Variants in FMNL2 observed in about 807,000 individuals in gnomAD.
The protein encoded by FMNL2 is formin like 2.
A neutral mutation model predicts 130.2 loss-of-function variants in FMNL2; 51 were observed. That is an observed-to-expected ratio of 0.39 (90% CI 0.31 to 0.49). The LOEUF is 0.49. Among genes scored for constraint, FMNL2 ranks in the 20% least tolerant of loss-of-function variants. The probability of loss-of-function intolerance (pLI) is 0.85; values close to 1 mark genes in which losing one functional copy is unlikely to be tolerated. For missense variants in FMNL2, 977 were observed against 1,316.2 expected (o/e 0.74, Z 3.99); for synonymous variants, 465 against 467.1 (o/e 1.00, Z 0.06).
In FMNL2 at chr2:152,389,105, AT is replaced by A. The variant is rs34284075; in HGVS notation, c.117+53395del. Among the ~76,000 whole-genome samples the A allele has an allele frequency of 7.3e-5, 11 of 150,574 alleles. No homozygotes were observed. The East Asian group carries it at 9.8e-4, about 13-fold the overall frequency. ...GGAGGGTGCTGCAAATGAAAGGAGCATTTTTTTTTTCTATAAAGCCTAACAC... is the reference window on the plus strand; with the variant it reads ...GGAGGGTGCTGCAAATGAAAGGAGCATTTTTTTTTCTATAAAGCCTAACAC... On this transcript the variant is annotated intron_variant, in intron 1 of 25. Transcript: ENST00000288670.
At chr2:152,451,746 A>G (rs1688663940) in intron 1 of FMNL2, among the ~76,000 whole-genome samples, 1 of 152,056 alleles carries the variant, frequency 6.6e-6, no homozygotes, top group East Asian at 1.9e-4. Context: ...ACATTAACAT[A>G]ATTAGGTGGC....
chr2:152,554,546 G>A (rs898329518), intron 4 of FMNL2, among the ~76,000 whole-genome samples: 7 of 152,196 alleles, frequency 4.6e-5, no homozygotes, highest in African/African-American at 1.7e-4. Flanking sequence ...CACTGTTGAA[G>A]CATATCCCTT....
At chr2:152,409,739 A>G (rs1686183296) in intron 1 of FMNL2, among the ~76,000 whole-genome samples, 1 of 152,126 alleles carries the variant, frequency 6.6e-6, no homozygotes, top group Admixed American at 6.5e-5. Context: ...AGAACTTTGT[A>G]TGTGTTTTTC....
chr2:152,627,144 C>T (rs1681848918), intron 17 of FMNL2, among the ~76,000 whole-genome samples: 1 of 152,094 alleles, frequency 6.6e-6, no homozygotes, highest in Non-Finnish European at 1.5e-5. Flanking sequence ...GGATTTTATC[C>T]AGATTTGTTG....
chr2:152,626,807 A>G, intron 17 of FMNL2, 80 bp downstream of exon 17: 1 of 1,380,500 alleles, frequency 7.2e-7, no homozygotes. Flanking sequence ...GATGACAAAT[A>G]TTTCAATAGT....
intron 1 of FMNL2, among the ~76,000 whole-genome samples, chr2:152,369,646 C>A (rs1683761339): frequency 6.6e-6 from 1 of 152,178 alleles, no homozygotes; most frequent in Non-Finnish European, 1.5e-5. Flanking sequence ...GCCTCTGTGG[C>A]TGGACATGTA....
chr2:152,548,924 A>G, intron 3 of FMNL2, 97 bp from the exon 4 acceptor site: 1 of 933,646 alleles, frequency 1.1e-6, no homozygotes. Flanking sequence ...TTTAGAAGTG[A>G]AGATATTTTT....
chr2:152,412,449 TATA>T (rs1558840728), intron 1 of FMNL2, among the ~76,000 whole-genome samples: 415 of 10,282 alleles, frequency 0.04, 8 homozygotes, highest in Non-Finnish European at 0.06. Context: ...GTATATTTTA[TATA>T]TATATATATA....
intron 1 of FMNL2, among the ~76,000 whole-genome samples, chr2:152,457,795 G>A (rs1426810062): frequency 6.6e-6 from 1 of 152,180 alleles, no homozygotes; most frequent in Non-Finnish European, 1.5e-5. Flanking sequence ...TCCTTCTGGA[G>A]GGCTCTAGGG....
intron 1 of FMNL2, among the ~76,000 whole-genome samples, chr2:152,498,351 A>G (rs1691631675): frequency 6.6e-6 from 1 of 152,182 alleles, no homozygotes; most frequent in East Asian, 1.9e-4. Context: ...TTTTTGTTCA[A>G]TTTATTAAAA....
At chr2:152,569,875 G>T (rs766074251) in intron 6 of FMNL2, among the ~76,000 whole-genome samples, 3 of 151,708 alleles carry the variant, frequency 2.0e-5, no homozygotes, top group Non-Finnish European at 4.4e-5. Flanking sequence ...GCTTGGCATG[G>T]TGGCACATGC....
In FMNL2 at chr2:152,523,008, A is replaced by G. The variant is rs183001787; in HGVS notation, c.201+982A>G. On this transcript the variant is annotated intron_variant, in intron 2 of 25. Transcript: ENST00000288670. ...AACATACAGGACACCCCCGGGCCCC[A>G]ATGCCGTGTGCACGCAAATATTAAT... 4.6e-3 allele frequency among the ~76,000 whole-genome samples: 708 copies of G among 152,296 alleles called. 6 individuals carry two copies. Among genetic ancestry groups the G allele is most frequent in the African/African-American group, 0.016 (674 of 41,548 alleles).
chr2:152,345,525 G>A (rs1037490949), intron 1 of FMNL2, among the ~76,000 whole-genome samples: 8 of 152,160 alleles, frequency 5.3e-5, no homozygotes, highest in African/African-American at 9.7e-5. Flanking sequence ...AAATGCAAAG[G>A]CAGTGAATTG....
intron 1 of FMNL2, among the ~76,000 whole-genome samples, chr2:152,397,299 G>C (rs1050470953): frequency 1.1e-4 from 16 of 152,034 alleles, no homozygotes; most frequent in African/African-American, 3.9e-4. Flanking sequence ...CAAGGAAACT[G>C]GATGAGCATA....
At chr2:152,492,170 G>A (rs1332862703) in intron 1 of FMNL2, among the ~76,000 whole-genome samples, 1 of 152,072 alleles carries the variant, frequency 6.6e-6, no homozygotes, top group Non-Finnish European at 1.5e-5. Flanking sequence ...TGAACTCACG[G>A]TCATGGTATA....
intron 1 of FMNL2, among the ~76,000 whole-genome samples, chr2:152,409,966 G>T (rs942136581): frequency 1.3e-5 from 2 of 152,202 alleles, no homozygotes; most frequent in African/African-American, 2.4e-5. Flanking sequence ...TAGTCTAGGT[G>T]TGTGAACTCG....
chr2:152,500,587 C>A (rs563920919), intron 1 of FMNL2, among the ~76,000 whole-genome samples: 1 of 152,216 alleles, frequency 6.6e-6, no homozygotes, highest in Non-Finnish European at 1.5e-5. Flanking sequence ...CGATGGCTCA[C>A]GCCTGTAATC....
chr2:152,474,684 TA>T (rs1002453579), intron 1 of FMNL2, among the ~76,000 whole-genome samples: 6 of 147,276 alleles, frequency 4.1e-5, no homozygotes, highest in Admixed American at 1.4e-4. Context: ...AGACTCTGTC[TA>T]AAAAAAAAAC....
intron 1 of FMNL2, among the ~76,000 whole-genome samples, chr2:152,474,734 G>C (rs954126355): frequency 6.6e-6 from 1 of 151,924 alleles, no homozygotes; most frequent in East Asian, 1.9e-4. Context: ...CTTATTTCAC[G>C]TACCTGTTTA....
Sources: allele counts gnomAD v4.1 joint callset (sites outside exome capture counted in the v4.1 genomes callset), GRCh38; gene constraint gnomAD v4.1.1; transcripts MANE v1.5; gene names NCBI Gene and HGNC (gene_info 2026-07-23, HGNC 2026-07-21).